The following UBXN2A variants were observed in gnomAD, a reference collection of about 807,000 sequenced individuals.
UBXN2A encodes the protein UBX domain-containing protein 2A.
UBXN2A carries 28 observed loss-of-function variants against 28.4 expected under a neutral mutation model. The ratio of observed to expected loss-of-function variants is 0.99; its 90% CI spans 0.73 to 1.35. The LOEUF (loss-of-function observed/expected upper bound fraction) is 1.35. UBXN2A is among the 40% of genes most tolerant of loss of function. UBXN2A has a pLI of 0.00. For synonymous variants in UBXN2A, 97 were observed against 103.6 expected (o/e 0.94, Z 0.39); for missense variants, 253 against 297.9 (o/e 0.85, Z 1.11).
chr2:23,929,086 G>A (rs942637575), intron 1 of UBXN2A, among the ~76,000 whole-genome samples: 11 of 152,112 alleles, frequency 7.2e-5, no homozygotes, highest in Non-Finnish European at 1.5e-4. Flanking sequence ...CCAGGAGTTG[G>A]AAACCAGCCT....
chr2:23,939,769 G>C (rs988344926), upstream of UBXN2A: 1 of 152,446 alleles, frequency 6.6e-6, no homozygotes, highest in Admixed American at 6.6e-5. Flanking sequence ...CTTGAGTCCT[G>C]ACAAAGTCAC....
At chr2:23,969,908 A>T (rs780821959) in intron 2 of UBXN2A, among the ~76,000 whole-genome samples, 37 of 152,220 alleles carry the variant, frequency 2.4e-4, no homozygotes, top group Non-Finnish European at 4.4e-4. Flanking sequence ...ATTGTTCCTG[A>T]TGCATTATCC....
chr2:23,951,681 G>A (rs1243280562), intron 1 of UBXN2A, among the ~76,000 whole-genome samples: 3 of 151,792 alleles, frequency 2.0e-5, no homozygotes, highest in Admixed American at 6.6e-5. Context: ...AGCTGGTCTC[G>A]AACTCCTGGC....
At chr2:23,981,382 A>G (rs1245949441) in intron 4 of UBXN2A, among the ~76,000 whole-genome samples, 1 of 142,190 alleles carries the variant, frequency 7.0e-6, no homozygotes, top group Admixed American at 7.2e-5. Context: ...GGAAGCTAAG[A>G]TGGGAGAATC....
chr2:23,993,799 T>C (rs1460177933), intron 6 of UBXN2A, among the ~76,000 whole-genome samples: 1 of 152,016 alleles, frequency 6.6e-6, no homozygotes, highest in East Asian at 1.9e-4. Flanking sequence ...GCAATTCTCC[T>C]GTCTCAGCTT....
intron 6 of UBXN2A, among the ~76,000 whole-genome samples, chr2:23,998,784 C>T (rs896764403): frequency 1.3e-5 from 2 of 151,970 alleles, no homozygotes; most frequent in South Asian, 2.1e-4. Flanking sequence ...GGTTAGGGTA[C>T]GGTGACATGA....
chr2:23,951,870 G>A (rs927815628), intron 1 of UBXN2A, among the ~76,000 whole-genome samples: 1 of 151,980 alleles, frequency 6.6e-6, no homozygotes, highest in Non-Finnish European at 1.5e-5. Flanking sequence ...CATTTTTAAA[G>A]TGAAGCAATT....
At chr2:23,983,535 T>A (rs1708001535) in intron 5 of UBXN2A, among the ~76,000 whole-genome samples, 1 of 152,106 alleles carries the variant, frequency 6.6e-6, no homozygotes, top group African/African-American at 2.4e-5. Context: ...AGCAATACAG[T>A]AAAAAATCAT....
At chr2:23,950,513 C>T (rs1706312841) in intron 1 of UBXN2A, among the ~76,000 whole-genome samples, 1 of 151,944 alleles carries the variant, frequency 6.6e-6, no homozygotes, top group African/African-American at 2.4e-5. Context: ...CAGCAATTCT[C>T]CCACCTCAGC....
At chr2:23,989,396 C>T (rs767131152) in intron 6 of UBXN2A, among the ~76,000 whole-genome samples, 2 of 150,976 alleles carry the variant, frequency 1.3e-5, no homozygotes, top group African/African-American at 4.9e-5. Flanking sequence ...CTCCACCTCC[C>T]CAGACTCAGG....
intron 1 of UBXN2A, among the ~76,000 whole-genome samples, chr2:23,946,521 C>T (rs1369400413): frequency 6.6e-6 from 1 of 151,812 alleles, no homozygotes; most frequent in East Asian, 1.9e-4. Context: ...CGGGGTTTCA[C>T]CATGTTGGCC....
intron 4 of UBXN2A, 102 bp downstream of exon 4, chr2:23,977,177 A>G: frequency 1.2e-6 from 1 of 827,562 alleles, no homozygotes; most frequent in Non-Finnish European, 2.0e-6. Flanking sequence ...CAGCCGGGGA[A>G]CATAGCCAGA....
intron 1 of UBXN2A, among the ~76,000 whole-genome samples, chr2:23,931,788 G>A (rs1368636149): frequency 1.3e-5 from 2 of 152,132 alleles, no homozygotes; most frequent in African/African-American, 4.8e-5. Context: ...CAAGGTGGGT[G>A]GATCATGAGT....
chr2:23,929,920 G>T (rs781323377), intron 1 of UBXN2A, among the ~76,000 whole-genome samples: 7 of 152,074 alleles, frequency 4.6e-5, no homozygotes, highest in African/African-American at 7.2e-5. Context: ...ATGGAGTCTT[G>T]CTCTGTCACT....
Position 23,940,569 on chromosome 2 carries a change from AGCCAAACGGAGCCCGCGGCCAAACGGT to A in UBXN2A, c.-90_-64del, listed in dbSNP as rs1314354301. On this transcript the variant is annotated 5_prime_UTR_variant, in exon 1 of 7. Transcript: ENST00000309033. ...CGGCGCTCCGGCTCTGAAGGGCTCC[AGCCAAACGGAGCCCGCGGCCAAACGGT>A]GCCTGCGGTGCCTGAGCTGAGTGAG... 6.6e-6 allele frequency: 1 copy of A among 151,258 alleles called. No homozygotes were observed. Among genetic ancestry groups the A allele is most frequent in the African/African-American group, 2.4e-5 (1 of 41,336 alleles). 9.4% of individuals were successfully genotyped at this position (151,258 alleles called of 1,614,324 possible). A position where few individuals can be genotyped will look rare whatever the true frequency, so the allele number is the denominator to read the frequency against.
At chr2:23,985,208 G>T (rs137971762) in intron 6 of UBXN2A, among the ~76,000 whole-genome samples, 2 of 152,202 alleles carry the variant, frequency 1.3e-5, no homozygotes, top group Non-Finnish European at 2.9e-5. Context: ...AAAGTGCTGG[G>T]ATTACAGGCA....
In UBXN2A at chr2:24,004,765, C is replaced by T. The variant is rs1243566951; in HGVS notation, c.*4898C>T. On this transcript the variant is annotated 3_prime_UTR_variant, in exon 7 of 7. Coordinates refer to ENST00000309033, the MANE Select transcript of UBXN2A (RefSeq NM_181713.4). ...ATAATCTTATTTTATATACTTCTCTCGGTATAATTTTTCATGACATTTCAG... is the reference window on the plus strand; with the variant it reads ...ATAATCTTATTTTATATACTTCTCTTGGTATAATTTTTCATGACATTTCAG... 1 of 151,460 alleles carries T rather than the reference C, an allele frequency of 6.6e-6. No individual in the cohort carries two copies. The highest frequency in any genetic ancestry group is 2.1e-4 in the South Asian group (1 of 4,762). The allele number at this position is 151,460 out of a possible 1,614,324, so 9.4% of individuals were successfully genotyped here.
At chr2:23,930,692 A>G (rs889155033) in intron 1 of UBXN2A, among the ~76,000 whole-genome samples, 7 of 152,104 alleles carry the variant, frequency 4.6e-5, no homozygotes, top group Non-Finnish European at 7.3e-5. Flanking sequence ...GTGACACCCC[A>G]TCTCTATAAA....
At chr2:23,984,903 C>G (rs1573597095) in intron 6 of UBXN2A, 72 bp downstream of exon 6, 4 of 1,464,810 alleles carry the variant, frequency 2.7e-6, no homozygotes, top group South Asian at 2.7e-5. Flanking sequence ...TTGGTTCAGT[C>G]AACAGTTTAT....
Sources: gnomAD v4.1 joint callset for allele counts (sites outside exome capture counted in the v4.1 genomes callset) on GRCh38, gnomAD v4.1.1 for gene constraint, MANE v1.5 for transcripts, NCBI Gene and HGNC (gene_info 2026-07-23, HGNC 2026-07-21) for gene names.